Variants in ZNF674 observed in about 807,000 individuals in gnomAD.
ZNF674 encodes the protein zinc finger protein 674.
ZNF674 carries 2 observed loss-of-function variants against 7.0 expected under a neutral mutation model. That is an observed-to-expected ratio of 0.29 (90% confidence interval 0.12 to 0.90). The LOEUF is 0.90. Ranked by LOEUF, ZNF674 falls within the 40% of genes least tolerant of loss-of-function variation. ZNF674 has a pLI of 0.57. For missense variants in ZNF674, 297 were observed against 415.5 expected (o/e 0.71, Z 2.48); for synonymous variants, 103 against 145.2 (o/e 0.71, Z 2.09).
chrX:46,519,259 TAGATAAAGA>T (rs1941847445), intron 5 of ZNF674, among the ~76,000 whole-genome samples: 1 of 73,552 alleles, frequency 1.4e-5, no homozygotes, highest in Non-Finnish European at 2.6e-5. Context: ...GATAGATAGA[TAGATAAAGA>T]TAGATGATAG....
intron 5 of ZNF674, among the ~76,000 whole-genome samples, chrX:46,524,233 A>C (rs1941967334): frequency 8.9e-6 from 1 of 111,986 alleles, no homozygotes; most frequent in African/African-American, 3.2e-5. Flanking sequence ...TGACGTCAAA[A>C]CCAGACACAA....
chrX:46,520,358 C>T (rs957571458), intron 5 of ZNF674, among the ~76,000 whole-genome samples: 5 of 111,085 alleles, frequency 4.5e-5, no homozygotes, highest in Admixed American at 2.9e-4. Context: ...CAGATCGCAC[C>T]ATTGCACTCC....
At chrX:46,504,531 C>T (rs1217098784) in intron 5 of ZNF674, among the ~76,000 whole-genome samples, 2 of 110,222 alleles carry the variant, frequency 1.8e-5, no homozygotes, top group Non-Finnish European at 3.8e-5. Context: ...TTAGTAGAGA[C>T]GGGATTTCAC....
chrX:46,519,273 TGATAGATA>T (rs57724981), intron 5 of ZNF674, among the ~76,000 whole-genome samples: 1,652 of 75,018 alleles, frequency 0.022, 11 homozygotes, highest in African/African-American at 0.029. Context: ...TAAAGATAGA[TGATAGATA>T]GATAGATAGA....
chrX:46,533,181 A>AT (rs1445741473), intron 3 of ZNF674, among the ~76,000 whole-genome samples: 3 of 111,457 alleles, frequency 2.7e-5, no homozygotes, highest in Non-Finnish European at 1.9e-5. Flanking sequence ...CTTTTGAGGC[A>AT]TTTTTTCAAG....
chrX:46,497,803 C>T lies in ZNF674; in HGVS notation c.*2040G>A, dbSNP rs1227328942. The T allele has an allele frequency of 2.7e-5, 3 of 111,029 alleles. No individual in the cohort carries two copies. Among genetic ancestry groups the T allele is most frequent in the East Asian group, 5.6e-4 (2 of 3,558 alleles). The allele number at this position is 111,029 out of a possible 1,213,427, so 9.2% of individuals were successfully genotyped here. ...AATTTTTACACATCAATAATCCCCA[C>T]ATTCAAATGCCAATTTACTTAATAA... On this transcript the variant is annotated 3_prime_UTR_variant, in exon 6 of 6. Coordinates refer to ENST00000683375, the MANE Select transcript of ZNF674 (RefSeq NM_001190417.2).
At chrX:46,520,406 A>G (rs1433172714) in intron 5 of ZNF674, among the ~76,000 whole-genome samples, 1 of 110,873 alleles carries the variant, frequency 9.0e-6, no homozygotes, top group Non-Finnish European at 1.9e-5. Context: ...CTCAAAAATA[A>G]ATAAATAAAT....
At chrX:46,545,194 G>A (rs1942356986) in intron 1 of ZNF674, among the ~76,000 whole-genome samples, 177 bp downstream of exon 1, 1 of 110,768 alleles carries the variant, frequency 9.0e-6, no homozygotes, top group Non-Finnish European at 1.9e-5. Flanking sequence ...CAATCAATTA[G>A]TCACTCGCTG....
chrX:46,531,859 T>A (rs370102115), intron 3 of ZNF674, among the ~76,000 whole-genome samples: 20 of 110,636 alleles, frequency 1.8e-4, no homozygotes, highest in East Asian at 8.5e-4. Flanking sequence ...ATAAAATAAA[T>A]TAAAAAAAAT....
At chrX:46,509,472 G>A (rs1242954579) in intron 5 of ZNF674, among the ~76,000 whole-genome samples, 1 of 103,157 alleles carries the variant, frequency 9.7e-6, no homozygotes, top group Non-Finnish European at 2.0e-5. Context: ...TCAAAAAGTG[G>A]GCGAAGGACA....
In ZNF674 at chrX:46,528,839, T is replaced by C. The variant is rs778791917; in HGVS notation, c.86A>G (p.Gln29Arg). The C allele has an allele frequency of 4.1e-6, 5 of 1,209,799 alleles. No individual in the cohort carries two copies. The highest frequency in any genetic ancestry group is 2.2e-5 in the Admixed American group (1 of 45,696). ...LEEWQQLDSA[Q>R]KNLYRDVMLE... ...CATGACATCCCTGTAGAGGTTCTTCTGGGCAGAGTCCAGTTGCTGCCACTC... is the reference window on the plus strand; with the variant it reads ...CATGACATCCCTGTAGAGGTTCTTCCGGGCAGAGTCCAGTTGCTGCCACTC... Residue 29 changes from glutamine to arginine, a missense_variant, in exon 4 of 6, where the codon CAG (glutamine) becomes CGG (arginine). Physicochemically the swap from Gln to Arg is conservative, Grantham distance 43. Coordinates refer to ENST00000683375, the MANE Select transcript of ZNF674 (RefSeq NM_001190417.2).
chrX:46,530,228 G>A (rs1374563426), intron 3 of ZNF674, among the ~76,000 whole-genome samples: 2 of 111,965 alleles, frequency 1.8e-5, no homozygotes, highest in Non-Finnish European at 3.8e-5. Flanking sequence ...TGCAGGAGAG[G>A]GGCAGGAAAG....
chrX:46,544,802 G>T (rs779412107), intron 1 of ZNF674, among the ~76,000 whole-genome samples, 191 bp from the exon 2 acceptor site: 23 of 111,480 alleles, frequency 2.1e-4, no homozygotes, highest in Admixed American at 1.2e-3. Flanking sequence ...CCTGAGTCCG[G>T]GCTTTGGAAT....
chrX:46,500,736 A>G lies in ZNF674; in HGVS notation c.838T>C (p.Cys280Arg), dbSNP rs1941407399. The G allele has an allele frequency of 4.1e-6, 5 of 1,205,562 alleles. No individual in the cohort carries two copies. Among genetic ancestry groups the G allele is most frequent in the Non-Finnish European group, 5.6e-6 (5 of 892,939 alleles). Residue 280 changes from cysteine (C) to arginine (R), a missense_variant, in exon 6 of 6, where the codon TGT (cysteine) becomes CGT (arginine). Cys to Arg is a radical substitution (Grantham distance 180). Transcript: ENST00000683375. ...GACTTCTGGATAAAGGTTTTTCCAC[A>G]TTCACTGCATTCATAGGGCTTCTCC... The part of the protein sequence containing the change: ...TGEKPYECSE[C>R]GKTFIQKSTL...
chrX:46,535,785 T>C (rs1165582341), intron 3 of ZNF674, among the ~76,000 whole-genome samples: 2 of 111,847 alleles, frequency 1.8e-5, no homozygotes. Flanking sequence ...AGCAATGACC[T>C]TTCTAGGATT....
chrX:46,506,060 G>GC (rs1412134282), intron 5 of ZNF674, among the ~76,000 whole-genome samples: 1 of 112,281 alleles, frequency 8.9e-6, no homozygotes, highest in Non-Finnish European at 1.9e-5. Flanking sequence ...GAAATAAAGA[G>GC]CACCAGTAAA....
In ZNF674 at chrX:46,501,261, T is replaced by C. The variant is rs750642719; in HGVS notation, c.313A>G (p.Ile105Val). The C allele has an allele frequency of 8.3e-7, 1 of 1,211,632 alleles. No individual in the cohort carries two copies. Among genetic ancestry groups the C allele is most frequent in the Non-Finnish European group, 1.1e-6 (1 of 895,178 alleles). ...TCATCCTTCAGTGTTTCCTTGCCTATGAATGCAGCTTGCCACAGAAATTTG... is the reference window on the plus strand; with the variant it reads ...TCATCCTTCAGTGTTTCCTTGCCTACGAATGCAGCTTGCCACAGAAATTTG... Reference protein sequence around the residue: ...QDKFLWQAAFIGKETLKDESG... With the variant: ...QDKFLWQAAFVGKETLKDESG... Residue 105 changes from isoleucine to valine, a missense_variant, in exon 6 of 6, where the codon ATA becomes GTA. Transcript: ENST00000683375.
At position 46,528,539 on chromosome X, in the gene ZNF674, G is replaced by A. The variant is rs762724298; in HGVS notation, c.143-94C>T. The A allele has an allele frequency of 2.2e-4, 222 of 1,026,235 alleles. 1 individual carries two copies. In the African/African-American group the frequency reaches 2.7e-3, roughly 12 times the overall value. 84.6% of individuals were successfully genotyped at this position (1,026,235 alleles called of 1,213,427 possible). A position where few individuals can be genotyped will look rare whatever the true frequency, so the allele number is the denominator to read the frequency against. On this transcript the variant is annotated intron_variant, in intron 4 of 5. Transcript: ENST00000683375. ...TGCAGGCTGAAGGTGGCACGGCCTC[G>A]GTGATGGCCCCATGCACACAGCTAT...
At chrX:46,501,780 G>A (rs1285082619) in intron 5 of ZNF674, among the ~76,000 whole-genome samples, 1 of 109,423 alleles carries the variant, frequency 9.1e-6, no homozygotes, top group Non-Finnish European at 1.9e-5. Context: ...TACTATGCTT[G>A]TAATCATTTG....
Sources: gnomAD v4.1 joint callset for allele counts (sites outside exome capture counted in the v4.1 genomes callset) on GRCh38, gnomAD v4.1.1 for gene constraint, MANE v1.5 for transcripts, NCBI Gene and HGNC (gene_info 2026-07-23, HGNC 2026-07-21) for gene names.